The following PTPRQ variants were observed in gnomAD, a reference collection of about 807,000 sequenced individuals.
The protein encoded by PTPRQ is protein tyrosine phosphatase receptor type Q.
PTPRQ carries 199 observed loss-of-function variants against 246.0 expected under a neutral mutation model. The observed-to-expected ratio is 0.81, with a 90% CI of 0.72 to 0.91. The LOEUF is 0.91. Among genes scored for constraint, PTPRQ ranks in the 40% least tolerant of loss-of-function variants. The pLI is 0.00. For synonymous variants in PTPRQ, 869 were observed against 853.2 expected (o/e 1.02, Z -0.32); for missense variants, 2,624 against 2,528.4 (o/e 1.04, Z -0.81).
chr12:80,530,375 C>T (rs145970395), intron 17 of PTPRQ, among the ~76,000 whole-genome samples: 7 of 152,234 alleles, frequency 4.6e-5, no homozygotes, highest in African/African-American at 1.7e-4. Flanking sequence ...GTATCTTACT[C>T]ATATTTATGC....
chr12:80,620,130 T>C (rs1298986527), intron 31 of PTPRQ, 24 bp from the exon 32 acceptor site: 4 of 1,519,250 alleles, frequency 2.6e-6, no homozygotes, highest in Non-Finnish European at 2.6e-6. Flanking sequence ...TTGGAATTAT[T>C]GTTCTCTTTG....
chr12:80,510,537 C>T, intron 17 of PTPRQ, 94 bp downstream of exon 17: 1 of 1,227,382 alleles, frequency 8.1e-7, no homozygotes, highest in Non-Finnish European at 1.1e-6. Flanking sequence ...TGTGGTGCTA[C>T]ATTAGGAACC....
chr12:80,527,904 G>C (rs1592617916), intron 17 of PTPRQ, among the ~76,000 whole-genome samples: 1 of 152,116 alleles, frequency 6.6e-6, no homozygotes, highest in Non-Finnish European at 1.5e-5. Context: ...GATCAGCCTG[G>C]GCACCATGGT....
At position 80,510,386 on chromosome 12, in the gene PTPRQ, C is replaced by T. The variant is rs948217913; in HGVS notation, c.2621C>T (p.Ser874Leu). 3 of 1,550,378 alleles carry T rather than the reference C, an allele frequency of 1.9e-6. No homozygotes were observed. The highest frequency in any genetic ancestry group is 2.7e-5 in the African/African-American group (2 of 72,970). The change falls in exon 17 of 45, where the codon TCA becomes TTA. Residue 874 changes from serine to leucine, a missense_variant. Transcript: ENST00000644991. ...KQLSGVTVKL[S>L]WQPPLEPNGI... ...TTGTCTGGTGTCACGGTGAAGTTGT[C>T]ATGGCAACCACCCCTGGAGCCAAAT...
rs1488195971 is a variant in PTPRQ, at chr12:80,669,056, G to C, written c.6242G>C (p.Gly2081Ala). The part of the protein sequence containing the change: ...EFIATQGPLP[G>A]TVGDFWRMVW... ...ATTGCTACTCAAGGTCCACTACCAG[G>C]AACAGTTGGAGATTTTTGGAGAATG... Residue 2081 changes from glycine to alanine, a missense_variant, in exon 40 of 45, where the codon GGA becomes GCA. By Grantham distance (60) the Gly-to-Ala change is moderately conservative (BLOSUM62 0). Transcript: ENST00000644991. The C allele has an allele frequency of 9.0e-6, 14 of 1,550,510 alleles. No homozygotes were observed. The highest frequency in any genetic ancestry group is 1.1e-5 in the Non-Finnish European group (13 of 1,146,066).
At chr12:80,675,704 G>C (rs934104276) in intron 43 of PTPRQ, among the ~76,000 whole-genome samples, 1 of 152,128 alleles carries the variant, frequency 6.6e-6, no homozygotes, top group Non-Finnish European at 1.5e-5. Context: ...CAATTTAGTA[G>C]TCAAAATATG....
chr12:80,495,926 C>T, intron 12 of PTPRQ, 73 bp from the exon 13 acceptor site: 5 of 1,481,144 alleles, frequency 3.4e-6, no homozygotes, highest in Non-Finnish European at 4.5e-6. Flanking sequence ...TCTTACTGGC[C>T]TTATATTAAA....
At chr12:80,581,100 A>G (rs1450176812) in intron 25 of PTPRQ, among the ~76,000 whole-genome samples, 2 of 152,206 alleles carry the variant, frequency 1.3e-5, no homozygotes, top group Non-Finnish European at 2.9e-5. Flanking sequence ...GCATCTAGTC[A>G]TCCCTCCAGA....
At chr12:80,578,551 C>A (rs1408867373) in intron 25 of PTPRQ, among the ~76,000 whole-genome samples, 2 of 151,980 alleles carry the variant, frequency 1.3e-5, no homozygotes, top group Admixed American at 6.5e-5. Context: ...CCACTACGCC[C>A]GGCTAATTTT....
At chr12:80,662,888 G>A (rs549226816) in intron 39 of PTPRQ, among the ~76,000 whole-genome samples, 3 of 152,080 alleles carry the variant, frequency 2.0e-5, no homozygotes, top group East Asian at 1.9e-4. Context: ...AAACTCAAAA[G>A]TTTGCACACA....
intron 3 of PTPRQ, among the ~76,000 whole-genome samples, chr12:80,446,394 C>T (rs1892553874): frequency 6.6e-6 from 1 of 151,594 alleles, no homozygotes; most frequent in Admixed American, 6.6e-5. Context: ...AAGAACATGG[C>T]CTTGTTCTGT....
chr12:80,599,440 G>T (rs929277254), intron 26 of PTPRQ, among the ~76,000 whole-genome samples: 2 of 151,818 alleles, frequency 1.3e-5, no homozygotes, highest in South Asian at 4.1e-4. Flanking sequence ...GACAAACAAA[G>T]CTCCCAAAGA....
In PTPRQ at chr12:80,632,012, C is replaced by T. The variant is rs1298548999; in HGVS notation, c.5687-180C>T. Among the ~76,000 whole-genome samples, 7 of 152,150 alleles carry T rather than the reference C, an allele frequency of 4.6e-5. No homozygotes were observed. The East Asian group carries it at 9.7e-4, about 21-fold the overall frequency. ...TTTAGATAGAAAAAGCAAGAAGACC[C>T]GGGACTGAGCCCCAAAGTTAAAAAA... On this transcript the variant is annotated intron_variant, in intron 33 of 44. Transcript: ENST00000644991.
chr12:80,510,466 T>C (rs1251907990), intron 17 of PTPRQ, 23 bp downstream of exon 17: 8 of 1,523,938 alleles, frequency 5.2e-6, no homozygotes, highest in Non-Finnish European at 7.1e-6. Flanking sequence ...TTTTTGGAAA[T>C]AGTTCTGAGA....
intron 34 of PTPRQ, among the ~76,000 whole-genome samples, chr12:80,634,186 T>A (rs560551177): frequency 1.8e-4 from 27 of 152,304 alleles, no homozygotes; most frequent in Non-Finnish European, 3.2e-4. Context: ...TAAATTGTAA[T>A]GTCTTTGAGG....
chr12:80,641,174 C>T (rs1304385822), intron 35 of PTPRQ, among the ~76,000 whole-genome samples: 1 of 152,294 alleles, frequency 6.6e-6, no homozygotes, highest in Middle Eastern at 3.4e-3. Flanking sequence ...CAGGCACTCC[C>T]CTGATGCTCA....
chr12:80,553,419 T>C (rs1045456912), intron 25 of PTPRQ, among the ~76,000 whole-genome samples: 1 of 152,122 alleles, frequency 6.6e-6, no homozygotes, highest in Non-Finnish European at 1.5e-5. Context: ...GAATTTATTG[T>C]TCAGATTGGA....
chr12:80,618,797 T>C (rs910673660), intron 30 of PTPRQ, among the ~76,000 whole-genome samples: 8 of 151,524 alleles, frequency 5.3e-5, no homozygotes, highest in Non-Finnish European at 1.0e-4. Context: ...AACCAAGTTA[T>C]ATTTAAGCAA....
intron 8 of PTPRQ, among the ~76,000 whole-genome samples, chr12:80,476,748 C>T (rs762570347): frequency 4.1e-4 from 62 of 152,010 alleles, no homozygotes; most frequent in Non-Finnish European, 5.6e-4. Context: ...AAACCTGTAC[C>T]GCTGCCAGAG....
Sources: allele counts gnomAD v4.1 joint callset (sites outside exome capture counted in the v4.1 genomes callset), GRCh38; gene constraint gnomAD v4.1.1; transcripts MANE v1.5; gene names NCBI Gene and HGNC (gene_info 2026-07-23, HGNC 2026-07-21).